LAMA2: variants seen among roughly 807,000 people sequenced by gnomAD.
LAMA2 encodes laminin subunit alpha-2.
Under a neutral mutation model 364.8 loss-of-function variants are expected in LAMA2, and 269 were observed. The observed-to-expected ratio is 0.74, with a 90% CI of 0.67 to 0.82. The LOEUF is 0.82. LAMA2 is among the 40% of genes least tolerant of loss of function. The pLI is 0.00. For synonymous variants in LAMA2, 1,379 were observed against 1,370.6 expected, an observed-to-expected ratio of 1.01 and a Z score of -0.14; for missense variants, 3,807 against 3,873.2, an observed-to-expected ratio of 0.98 and a Z score of 0.45.
chr6:129,143,833 A>G, intron 4 of LAMA2, 68 bp from the exon 5 acceptor site: 2 of 1,219,154 alleles, frequency 1.6e-6, no homozygotes, highest in Non-Finnish European at 2.4e-6. Flanking sequence ...TTTTCCAAGA[A>G]AAAGAAACAA....
chr6:128,910,859 A>T (rs1188389457), intron 1 of LAMA2, among the ~76,000 whole-genome samples: 1 of 151,314 alleles, frequency 6.6e-6, no homozygotes, highest in African/African-American at 2.4e-5. Flanking sequence ...TCTAACAGAC[A>T]GGACCCTCAA....
At chr6:128,963,725 G>A (rs1781677040) in intron 1 of LAMA2, among the ~76,000 whole-genome samples, 1 of 151,994 alleles carries the variant, frequency 6.6e-6, no homozygotes, top group Admixed American at 6.6e-5. Flanking sequence ...TTTTCCTATG[G>A]CCAAAACGTC....
intron 45 of LAMA2, among the ~76,000 whole-genome samples, chr6:129,448,583 G>A (rs1477951361): frequency 1.3e-5 from 2 of 152,108 alleles, no homozygotes; most frequent in Non-Finnish European, 2.9e-5. Context: ...AGCTTTCTCT[G>A]GGTTTGTTGA....
chr6:128,943,459 C>CTT (rs11288751), intron 1 of LAMA2, among the ~76,000 whole-genome samples: 2 of 145,974 alleles, frequency 1.4e-5, no homozygotes, highest in Admixed American at 6.9e-5. Context: ...AGTTATTGTA[C>CTT]TTTTTTTTTT....
At chr6:129,165,995 G>A (rs985013705) in intron 9 of LAMA2, among the ~76,000 whole-genome samples, 3 of 152,140 alleles carry the variant, frequency 2.0e-5, no homozygotes, top group African/African-American at 7.2e-5. Flanking sequence ...TTCATATCGT[G>A]TTATTTATTA....
rs1782762369 is a variant in LAMA2, at chr6:129,453,019, G to A, written c.6461G>A (p.Cys2154Tyr). The A allele has an allele frequency of 1.2e-6, 2 of 1,612,520 alleles. No individual in the cohort carries two copies. The highest frequency in any genetic ancestry group is 1.7e-6 in the Non-Finnish European group (2 of 1,179,084). The change falls in exon 46 of 65, where the codon TGC becomes TAC. Residue 2154 changes from cysteine to tyrosine, a missense_variant. By Grantham distance (194) the Cys-to-Tyr change is radical. This residue lies in a region of LAMA2 where 3,333 missense variants were observed against 3,345.7 expected (regional missense o/e 1.00). Transcript: ENST00000421865. The part of the protein sequence containing the change: ...IKVSVSSGGD[C>Y]IRTYKPEIKK... ...GTATCTGTGTCTTCAGGAGGTGACTGCATTCGAACATACAAACCAGAAATC... is the reference window on the plus strand; with the variant it reads ...GTATCTGTGTCTTCAGGAGGTGACTACATTCGAACATACAAACCAGAAATC...
intron 12 of LAMA2, among the ~76,000 whole-genome samples, chr6:129,218,884 A>C (rs1279598159): frequency 2.6e-5 from 4 of 152,190 alleles, no homozygotes; most frequent in Non-Finnish European, 5.9e-5. Context: ...GCTATTATTT[A>C]TTATTCAATA....
intron 1 of LAMA2, among the ~76,000 whole-genome samples, chr6:129,048,814 C>T (rs1000593547): frequency 1.3e-5 from 2 of 151,838 alleles, no homozygotes; most frequent in Non-Finnish European, 2.9e-5. Flanking sequence ...AGGGTTTCAC[C>T]ATGTTGGCCA....
chr6:129,482,016 T>C (rs1329381047), intron 55 of LAMA2, among the ~76,000 whole-genome samples: 1 of 152,134 alleles, frequency 6.6e-6, no homozygotes, highest in African/African-American at 2.4e-5. Flanking sequence ...GCCTAAAGAA[T>C]GTCAACCAGC....
At chr6:128,958,919 C>T (rs190413494) in intron 1 of LAMA2, among the ~76,000 whole-genome samples, 28 of 152,258 alleles carry the variant, frequency 1.8e-4, no homozygotes, top group Non-Finnish European at 3.1e-4. Flanking sequence ...ATTATCTCTT[C>T]CTTTCCTAGT....
intron 9 of LAMA2, among the ~76,000 whole-genome samples, chr6:129,166,818 C>T (rs66496825): frequency 0.065 from 9,896 of 152,134 alleles, 593 homozygotes; most frequent in African/African-American, 0.16. Flanking sequence ...TCTGATATTG[C>T]TCCTCTTAAC....
chr6:129,489,916 G>A (rs1784776029), intron 56 of LAMA2, among the ~76,000 whole-genome samples: 1 of 113,952 alleles, frequency 8.8e-6, no homozygotes, highest in Admixed American at 9.8e-5. Context: ...CTAAGAATCA[G>A]CCACTGAAAC....
rs10499157 is a variant in LAMA2 at position 129,459,862 on chromosome 6, T to C, written c.6868-338T>C. On this transcript the variant is annotated intron_variant, in intron 48 of 64. Transcript: ENST00000421865. Reference sequence around the variant, plus strand: ...CTTTATTCTCACAAAAATTCCACATTACAGACAAAAGAATAGAATTGTGGA... The same window carrying C: ...CTTTATTCTCACAAAAATTCCACATCACAGACAAAAGAATAGAATTGTGGA... 0.15 allele frequency among the ~76,000 whole-genome samples: 22,762 copies of C among 151,974 alleles called. 1,806 individuals are homozygous for C. The highest frequency in any genetic ancestry group is 0.21 in the East Asian group (1,091 of 5,132).
chr6:129,441,082 G>C, intron 43 of LAMA2, 84 bp downstream of exon 43: 1 of 1,203,924 alleles, frequency 8.3e-7, no homozygotes, highest in Non-Finnish European at 1.2e-6. Context: ...GCTCGAGTTG[G>C]AAAGACCCTC....
intron 56 of LAMA2, among the ~76,000 whole-genome samples, chr6:129,487,198 G>T (rs1434701888): frequency 6.6e-6 from 1 of 152,192 alleles, no homozygotes; most frequent in African/African-American, 2.4e-5. Context: ...AATGACTGCT[G>T]CCCTGAGCCT....
chr6:129,177,548 A>G (rs1562303737), intron 9 of LAMA2, among the ~76,000 whole-genome samples, 158 bp from the exon 10 acceptor site: 1 of 151,908 alleles, frequency 6.6e-6, no homozygotes, highest in Non-Finnish European at 1.5e-5. Context: ...TTTTAATTAA[A>G]CCCTCTACTC....
intron 1 of LAMA2, among the ~76,000 whole-genome samples, chr6:128,995,634 G>T (rs1432190934): frequency 6.6e-6 from 1 of 151,992 alleles, no homozygotes; most frequent in Non-Finnish European, 1.5e-5. Context: ...CCAGTAGGTG[G>T]TTTAAACCCT....
chr6:129,176,702 T>G (rs1451731854), intron 9 of LAMA2, among the ~76,000 whole-genome samples: 6 of 152,156 alleles, frequency 3.9e-5, no homozygotes, highest in Non-Finnish European at 7.4e-5. Flanking sequence ...GAGTTCTACT[T>G]TGGCCCTATT....
At chr6:129,076,500 A>T (rs55881637) in intron 3 of LAMA2, among the ~76,000 whole-genome samples, 133,264 of 140,206 alleles carry the variant, frequency 0.95, 63,413 homozygotes, top group East Asian at 0.97. Flanking sequence ...ATTATATATA[A>T]ATATATATAT....
Sources: allele counts gnomAD v4.1 joint callset (sites outside exome capture counted in the v4.1 genomes callset), GRCh38; gene constraint gnomAD v4.1.1; regional missense constraint gnomAD v4.1.1; transcripts MANE v1.5; gene names NCBI Gene and HGNC (gene_info 2026-07-23, HGNC 2026-07-21).